GLDN: variants seen among roughly 807,000 people sequenced by gnomAD.
GLDN encodes the protein collomin.
A neutral mutation model predicts 56.5 loss-of-function variants in GLDN; 47 were observed. That is an observed-to-expected ratio of 0.83 (90% CI 0.66 to 1.06). The LOEUF (loss-of-function observed/expected upper bound fraction) is 1.06. Ranked by LOEUF, GLDN falls within the 50% of genes least tolerant of loss-of-function variation. The probability of loss-of-function intolerance (pLI) is 0.00; values close to 1 mark genes in which losing one functional copy is unlikely to be tolerated. For missense variants in GLDN, 782 were observed against 714.3 expected (o/e 1.09, Z -1.08); for synonymous variants, 332 against 278.8 (o/e 1.19, Z -1.90).
chr15:51,374,390 C>A (rs533467820), intron 1 of GLDN, among the ~76,000 whole-genome samples: 2 of 152,236 alleles, frequency 1.3e-5, no homozygotes, highest in African/African-American at 4.8e-5. Context: ...ATGAAAATGA[C>A]TAAAGGCAGT....
intron 6 of GLDN, among the ~76,000 whole-genome samples, chr15:51,398,953 G>A (rs1434525470): frequency 2.0e-5 from 3 of 152,230 alleles, no homozygotes; most frequent in East Asian, 3.8e-4. Flanking sequence ...GGGCTGGATC[G>A]GCAGGGGCTG....
At chr15:51,368,661 C>T (rs1201732345) in intron 1 of GLDN, among the ~76,000 whole-genome samples, 2 of 151,772 alleles carry the variant, frequency 1.3e-5, no homozygotes, top group Non-Finnish European at 2.9e-5. Flanking sequence ...AACTAAGAGA[C>T]CTCAAACTGG....
chr15:51,343,733 T>C (rs992840542), intron 1 of GLDN, among the ~76,000 whole-genome samples: 8 of 152,204 alleles, frequency 5.3e-5, no homozygotes, highest in African/African-American at 1.7e-4. Flanking sequence ...GGCCTGTCCC[T>C]GAGGCTAGGA....
At chr15:51,389,470 C>G (rs1343059283) in intron 4 of GLDN, among the ~76,000 whole-genome samples, 2 of 152,170 alleles carry the variant, frequency 1.3e-5, no homozygotes, top group African/African-American at 2.4e-5. Flanking sequence ...CTGCTCTATA[C>G]TTCATAGGAG....
At chr15:51,370,314 C>G (rs1161223831) in intron 1 of GLDN, among the ~76,000 whole-genome samples, 1 of 152,186 alleles carries the variant, frequency 6.6e-6, no homozygotes, top group East Asian at 1.9e-4. Flanking sequence ...AATCATCTGT[C>G]ATGTCCAACC....
Position 51,341,739 on chromosome 15 carries a change from G to T in GLDN, c.55G>T (p.Ala19Ser). 2 of 1,461,212 alleles carry T rather than the reference G, an allele frequency of 1.4e-6. No individual in the cohort carries two copies. Among genetic ancestry groups the T allele is most frequent in the Non-Finnish European group, 8.9e-7 (1 of 1,118,976 alleles). The allele number at this position is 1,461,212 out of a possible 1,614,324, so 90.5% of individuals were successfully genotyped here. Residue 19 changes from alanine (A) to serine (S), a missense_variant, in exon 1 of 10, where the codon GCC (alanine) becomes TCC (serine). Ala to Ser is a moderately conservative substitution (Grantham distance 99, BLOSUM62 1). Transcript: ENST00000335449. The part of the protein sequence containing the change: ...RGDAGWGLRG[A>S]LAAVALLSAL... The stretch of plus-strand genomic sequence containing the variant: ...GGACGCGGGTTGGGGCCTGCGTGGC[G>T]CCCTGGCGGCCGTGGCGCTGCTCTC...
intron 1 of GLDN, among the ~76,000 whole-genome samples, chr15:51,372,661 G>A (rs1027177403): frequency 6.6e-6 from 1 of 152,118 alleles, no homozygotes; most frequent in African/African-American, 2.4e-5. Flanking sequence ...GAACTGATTA[G>A]CAATTTATTG....
In GLDN at chr15:51,380,618, G is replaced by A. The variant is rs1315488967; in HGVS notation, c.416-2818G>A. On this transcript the variant is annotated intron_variant, in intron 2 of 9. Coordinates refer to ENST00000335449, the MANE Select transcript of GLDN (RefSeq NM_181789.4). ...TCTGCCCGGACTGCTGAGCTCTCTG[G>A]GGCTGTCTTCCTTTCTCTTCTGAAA... Among the ~76,000 whole-genome samples the A allele has an allele frequency of 2.6e-5, 4 of 152,082 alleles. No individual in the cohort carries two copies. The East Asian group carries it at 5.8e-4, about 22-fold the overall frequency.
intron 1 of GLDN, among the ~76,000 whole-genome samples, chr15:51,359,858 A>G (rs2037256848): frequency 6.6e-6 from 1 of 151,836 alleles, no homozygotes; most frequent in South Asian, 2.1e-4. Flanking sequence ...AGGCACCTGT[A>G]GTCCCAGCTG....
At chr15:51,352,381 T>C (rs1177145940) in intron 1 of GLDN, among the ~76,000 whole-genome samples, 3 of 152,194 alleles carry the variant, frequency 2.0e-5, no homozygotes, top group African/African-American at 4.8e-5. Context: ...ACATTGATGA[T>C]TAGGTTTCAA....
chr15:51,402,955 C>A (rs1224095793), intron 9 of GLDN, among the ~76,000 whole-genome samples: 1 of 152,226 alleles, frequency 6.6e-6, no homozygotes, highest in African/African-American at 2.4e-5. Flanking sequence ...TCTCAAGACA[C>A]ACTCTTTCCT....
At chr15:51,362,260 G>A (rs995342617) in intron 1 of GLDN, among the ~76,000 whole-genome samples, 1 of 152,070 alleles carries the variant, frequency 6.6e-6, no homozygotes, top group African/African-American at 2.4e-5. Flanking sequence ...GAAGGCGGGC[G>A]GATCACCTGA....
intron 1 of GLDN, among the ~76,000 whole-genome samples, chr15:51,366,175 A>C (rs1306345808): frequency 6.6e-6 from 1 of 152,080 alleles, no homozygotes; most frequent in East Asian, 1.9e-4. Context: ...GACCGGGGAG[A>C]AGAACAATCC....
chr15:51,386,457 C>T (rs1415327772), intron 4 of GLDN, among the ~76,000 whole-genome samples: 2 of 152,206 alleles, frequency 1.3e-5, no homozygotes, highest in South Asian at 4.1e-4. Flanking sequence ...CCCTTCATAC[C>T]CAGCACTTGC....
At chr15:51,379,414 G>A (rs796828855) in intron 2 of GLDN, among the ~76,000 whole-genome samples, 9 of 152,312 alleles carry the variant, frequency 5.9e-5, no homozygotes, top group South Asian at 2.1e-4. Context: ...TGGGGCAGAA[G>A]CACTACACAT....
chr15:51,355,548 G>A (rs892488111), intron 1 of GLDN, among the ~76,000 whole-genome samples: 4 of 143,564 alleles, frequency 2.8e-5, no homozygotes, highest in African/African-American at 7.8e-5. Context: ...TTTTGAGATG[G>A]AGTCTCACTC....
intron 1 of GLDN, among the ~76,000 whole-genome samples, chr15:51,362,899 A>T (rs1462013284): frequency 6.6e-6 from 1 of 152,138 alleles, no homozygotes; most frequent in African/African-American, 2.4e-5. Context: ...CTGACAGTTT[A>T]AATGTGATGT....
Position 51,374,736 on chromosome 15 carries a change from C to CTT in GLDN, c.364-2695_364-2694dup, listed in dbSNP as rs71297688. Among the ~76,000 whole-genome samples, 942 of 110,228 alleles carry CTT rather than the reference C, an allele frequency of 8.5e-3. 20 individuals carry two copies. Among genetic ancestry groups the CTT allele is most frequent in the Middle Eastern group, 9.9e-3 (2 of 202 alleles). The allele number at this position is 110,228 out of a possible 152,430, so 72.3% of individuals were successfully genotyped here. ...GTACACATTTCTTTTCTTTCTTTTC[C>CTT]TTTTTTTTTTTTTTTTTTTGAGACA... On this transcript the variant is annotated intron_variant, in intron 1 of 9. Coordinates refer to ENST00000335449, the MANE Select transcript of GLDN (RefSeq NM_181789.4).
chr15:51,400,412 T>C lies in GLDN; in HGVS notation c.941T>C (p.Leu314Pro). The change falls in exon 8 of 10, where the codon CTG becomes CCG. Residue 314 changes from leucine to proline, a missense_variant. Physicochemically the swap from Leu to Pro is moderately conservative, Grantham distance 98. Coordinates refer to ENST00000335449, the MANE Select transcript of GLDN (RefSeq NM_181789.4). ...TCCATTGGAAACCCAGTGCAAGTAC[T>C]GAAAGTGACAGAGACATTTGGGACT... The part of the protein sequence containing the change: ...ITSIGNPVQV[L>P]KVTETFGTWI... 6.2e-7 allele frequency: 1 copy of C among 1,614,186 alleles called. No homozygotes were observed. Among genetic ancestry groups the C allele is most frequent in the Non-Finnish European group, 8.5e-7 (1 of 1,180,006 alleles).
Sources: allele counts gnomAD v4.1 joint callset (sites outside exome capture counted in the v4.1 genomes callset), GRCh38; gene constraint gnomAD v4.1.1; transcripts MANE v1.5; gene names NCBI Gene and HGNC (gene_info 2026-07-23, HGNC 2026-07-21).